Variants in TENM3 observed in about 807,000 individuals in gnomAD.
The protein encoded by TENM3 is teneurin transmembrane protein 3.
In TENM3, 63 loss-of-function variants were observed where a neutral mutation model predicts 255.1. That is an observed-to-expected ratio of 0.25 (90% CI 0.20 to 0.30). TENM3 has a LOEUF of 0.30. Ranked by LOEUF, TENM3 falls within the 10% of genes least tolerant of loss-of-function variation. The pLI, the probability that TENM3 is intolerant of heterozygous loss-of-function variation, is 1.00. For synonymous variants in TENM3, 1,306 were observed against 1,322.3 expected (o/e 0.99, Z 0.27); for missense variants, 2,929 against 3,461.1 (o/e 0.85, Z 3.86).
At chr4:182,193,553 C>T (rs548043917) in intron 1 of TENM3, among the ~76,000 whole-genome samples, 7 of 152,202 alleles carry the variant, frequency 4.6e-5, no homozygotes, top group Non-Finnish European at 8.8e-5. Context: ...AAAACAATAG[C>T]GTCCTGGCGT....
the TENM3 span, among the ~76,000 whole-genome samples, chr4:182,097,815 C>T: frequency 6.6e-6 from 1 of 152,124 alleles, no homozygotes; most frequent in African/African-American, 2.4e-5. Flanking sequence ...GGCACCAACT[C>T]ATTGAATTAG....
intron 1 of TENM3, among the ~76,000 whole-genome samples, chr4:182,200,898 C>A (rs1245747425): frequency 6.7e-6 from 1 of 149,430 alleles, no homozygotes; most frequent in African/African-American, 2.5e-5. Flanking sequence ...GATCTCGGCT[C>A]ACTGCAACCT....
chr4:181,740,956 T>C, the TENM3 span, among the ~76,000 whole-genome samples: 1 of 152,200 alleles, frequency 6.6e-6, no homozygotes, highest in African/African-American at 2.4e-5. Flanking sequence ...AAAATAGCTT[T>C]ATTATTACCT....
intron 2 of TENM3, among the ~76,000 whole-genome samples, chr4:182,330,922 T>C (rs568186990): frequency 6.6e-6 from 1 of 152,318 alleles, no homozygotes; most frequent in East Asian, 1.9e-4. Context: ...GTGTTCCAAA[T>C]TCTCATCTCA....
intron 22 of TENM3, among the ~76,000 whole-genome samples, chr4:182,764,386 C>G (rs943795695): frequency 6.6e-6 from 1 of 152,138 alleles, no homozygotes; most frequent in African/African-American, 2.4e-5. Context: ...AGCTCAGAGT[C>G]CACTGGGAGA....
At chr4:182,395,545 T>C (rs1296389546) in intron 3 of TENM3, among the ~76,000 whole-genome samples, 1 of 152,196 alleles carries the variant, frequency 6.6e-6, no homozygotes, top group African/African-American at 2.4e-5. Context: ...GTTTTAATTG[T>C]TGCTCTCCTT....
At chr4:181,898,284 A>ACC in the TENM3 span, among the ~76,000 whole-genome samples, 2 of 151,530 alleles carry the variant, frequency 1.3e-5, no homozygotes, top group Non-Finnish European at 2.9e-5. Context: ...ACACACACAC[A>ACC]CCTTTGTGAT....
intron 22 of TENM3, among the ~76,000 whole-genome samples, chr4:182,765,607 T>C (rs1009978472): frequency 1.3e-5 from 2 of 152,140 alleles, no homozygotes; most frequent in African/African-American, 2.4e-5. Context: ...CTTAGGCTTT[T>C]TTTCCTTACC....
At chr4:182,377,461 C>G (rs986006217) in intron 3 of TENM3, among the ~76,000 whole-genome samples, 1 of 152,082 alleles carries the variant, frequency 6.6e-6, no homozygotes, top group African/African-American at 2.4e-5. Context: ...TTATAGGCAT[C>G]CACCACTAGG....
At chr4:181,868,955 T>C in the TENM3 span, among the ~76,000 whole-genome samples, 13 of 152,052 alleles carry the variant, frequency 8.5e-5, no homozygotes, top group African/African-American at 3.1e-4. Context: ...ATCCTAACAC[T>C]TCGAATGCTC....
intron 1 of TENM3, among the ~76,000 whole-genome samples, chr4:182,299,912 CTTTTTT>C (rs796408014): frequency 7.0e-6 from 1 of 143,170 alleles, no homozygotes; most frequent in Non-Finnish European, 1.5e-5. Flanking sequence ...TCAAGTAGAT[CTTTTTT>C]TTTTTTTTTC....
the TENM3 span, among the ~76,000 whole-genome samples, chr4:181,983,287 T>C: frequency 6.6e-6 from 1 of 152,084 alleles, no homozygotes; most frequent in Non-Finnish European, 1.5e-5. Flanking sequence ...AGCTCTCACG[T>C]GAAAAATCTT....
intron 1 of TENM3, among the ~76,000 whole-genome samples, chr4:182,233,011 T>C (rs755519437): frequency 6.6e-6 from 1 of 152,152 alleles, no homozygotes. Flanking sequence ...CCTTGGGTAA[T>C]TGAAACCACA....
At chr4:182,529,199 G>C (rs1260065174) in intron 3 of TENM3, among the ~76,000 whole-genome samples, 1 of 152,258 alleles carries the variant, frequency 6.6e-6, no homozygotes, top group South Asian at 2.1e-4. Context: ...TGCCATAATT[G>C]AACCTGAAAG....
chr4:181,498,840 G>C, the TENM3 span, among the ~76,000 whole-genome samples: 3 of 152,170 alleles, frequency 2.0e-5, no homozygotes, highest in Non-Finnish European at 4.4e-5. Flanking sequence ...TAACTTTTAA[G>C]TATTGATTAG....
the TENM3 span, among the ~76,000 whole-genome samples, chr4:181,846,832 C>T: frequency 6.6e-6 from 1 of 152,190 alleles, no homozygotes; most frequent in Non-Finnish European, 1.5e-5. Context: ...ACAACAACTA[C>T]CACAGGTTGA....
At chr4:182,636,716 CA>C (rs58957542) in intron 5 of TENM3, among the ~76,000 whole-genome samples, 34,277 of 122,724 alleles carry the variant, frequency 0.28, 4,719 homozygotes, top group African/African-American at 0.44. Flanking sequence ...GACTCTGTCT[CA>C]AAAAAAAAAA....
intron 3 of TENM3, among the ~76,000 whole-genome samples, chr4:182,370,551 C>T (rs1766732784): frequency 6.6e-6 from 1 of 152,142 alleles, no homozygotes; most frequent in Non-Finnish European, 1.5e-5. Flanking sequence ...GAGACAATAA[C>T]ATTTCCCCTT....
At chr4:182,331,535 A>AG (rs892522199) in intron 2 of TENM3, among the ~76,000 whole-genome samples, 58 of 64,476 alleles carry the variant, frequency 9.0e-4, no homozygotes, top group African/African-American at 3.0e-3. Flanking sequence ...TGACAGAGTG[A>AG]GCTCTGTCTC....
Sources: gnomAD v4.1 joint callset for allele counts (sites outside exome capture counted in the v4.1 genomes callset) on GRCh38, gnomAD v4.1.1 for gene constraint, MANE v1.5 for transcripts, NCBI Gene and HGNC (gene_info 2026-07-23, HGNC 2026-07-21) for gene names.